The following ASTN1 variants were observed in gnomAD, a reference collection of about 807,000 sequenced individuals.
ASTN1 encodes astrotactin-1.
Under a neutral mutation model 140.7 loss-of-function variants are expected in ASTN1, and 41 were observed. The ratio of observed to expected loss-of-function variants is 0.29; its 90% CI spans 0.23 to 0.38. ASTN1 has a LOEUF of 0.38. ASTN1 is among the 10% of genes least tolerant of loss of function. The pLI, the probability that ASTN1 is intolerant of heterozygous loss-of-function variation, is 1.00. For synonymous variants in ASTN1, 640 were observed against 652.2 expected (o/e 0.98, Z 0.29); for missense variants, 1,479 against 1,678.8 (o/e 0.88, Z 2.08).
At chr1:176,991,999 A>G (rs1361758125) in intron 8 of ASTN1, among the ~76,000 whole-genome samples, 2 of 152,234 alleles carry the variant, frequency 1.3e-5, no homozygotes, top group South Asian at 2.1e-4. Flanking sequence ...GAACAATGTA[A>G]TAAGTCTTTA....
At chr1:176,979,313 A>G (rs1252863839) in intron 8 of ASTN1, among the ~76,000 whole-genome samples, 3 of 152,190 alleles carry the variant, frequency 2.0e-5, no homozygotes, top group African/African-American at 7.2e-5. Context: ...TGATAAGAGC[A>G]ATGGTGGCTG....
At chr1:176,947,886 A>G (rs1181808806) in intron 12 of ASTN1, among the ~76,000 whole-genome samples, 1 of 152,168 alleles carries the variant, frequency 6.6e-6, no homozygotes, top group Non-Finnish European at 1.5e-5. Flanking sequence ...GCTCAAATAT[A>G]TGTTTATTAA....
intron 2 of ASTN1, among the ~76,000 whole-genome samples, chr1:177,056,159 G>A (rs1677792524): frequency 6.6e-6 from 1 of 152,186 alleles, no homozygotes; most frequent in African/African-American, 2.4e-5. Context: ...TGATCCTGGA[G>A]GCTCCCATAG....
intron 2 of ASTN1, among the ~76,000 whole-genome samples, chr1:177,050,979 C>T (rs563722526): frequency 2.2e-4 from 33 of 152,250 alleles, no homozygotes; most frequent in African/African-American, 7.7e-4. Context: ...AGCATATTTG[C>T]TAATAAGTAT....
At chr1:176,963,472 T>G in intron 9 of ASTN1, among the ~76,000 whole-genome samples, 1 of 152,316 alleles carries the variant, frequency 6.6e-6, no homozygotes, top group East Asian at 1.9e-4. Flanking sequence ...ATAAAAATTC[T>G]TAATCACTTA....
intron 8 of ASTN1, among the ~76,000 whole-genome samples, chr1:176,999,720 C>T (rs1249426583): frequency 2.0e-5 from 3 of 151,916 alleles, no homozygotes; most frequent in South Asian, 2.1e-4. Flanking sequence ...GGGAGGGACC[C>T]GGTGGGAGGT....
chr1:177,016,660 C>G (rs1474652714), intron 7 of ASTN1, among the ~76,000 whole-genome samples: 1 of 152,078 alleles, frequency 6.6e-6, no homozygotes, highest in Non-Finnish European at 1.5e-5. Context: ...AGCACGGATG[C>G]TAGACTATAA....
chr1:176,931,510 G>A (rs1470911516), intron 16 of ASTN1, among the ~76,000 whole-genome samples: 1 of 151,986 alleles, frequency 6.6e-6, no homozygotes, highest in East Asian at 1.9e-4. Context: ...AAATAAAAAG[G>A]CTTCATCAGA....
chr1:176,866,353 T>TA (rs1228519784), intron 22 of ASTN1, among the ~76,000 whole-genome samples: 2 of 152,190 alleles, frequency 1.3e-5, no homozygotes, highest in African/African-American at 4.8e-5. Flanking sequence ...GCCTGCTGAC[T>TA]AAATCATCTG....
chr1:177,032,875 T>A, intron 2 of ASTN1, 26 bp from the exon 3 acceptor site: 2 of 1,558,250 alleles, frequency 1.3e-6, no homozygotes, highest in Non-Finnish European at 1.7e-6. Context: ...CACAGATGGA[T>A]GTGGGAAGAT....
At chr1:176,883,402 G>C (rs1361520672) in intron 19 of ASTN1, among the ~76,000 whole-genome samples, 1 of 152,000 alleles carries the variant, frequency 6.6e-6, no homozygotes, top group Admixed American at 6.6e-5. Flanking sequence ...CACCATGTTG[G>C]TCAGGATGGT....
chr1:177,109,881 A>G (rs978824666), intron 1 of ASTN1, among the ~76,000 whole-genome samples: 5 of 152,168 alleles, frequency 3.3e-5, no homozygotes, highest in African/African-American at 9.6e-5. Context: ...CCAATTTCCA[A>G]TCTTCTAAAA....
chr1:176,993,679 C>A (rs1674296710), intron 8 of ASTN1, among the ~76,000 whole-genome samples: 1 of 152,034 alleles, frequency 6.6e-6, no homozygotes, highest in South Asian at 2.1e-4. Context: ...TACTCATTGC[C>A]CCATACGCAT....
intron 8 of ASTN1, among the ~76,000 whole-genome samples, chr1:176,978,069 C>G (rs1673442002): frequency 6.6e-6 from 1 of 152,156 alleles, no homozygotes; most frequent in East Asian, 1.9e-4. Context: ...TCGAAGGATG[C>G]ACTGAGTCTA....
chr1:176,978,201 G>T (rs1382538059), intron 8 of ASTN1, among the ~76,000 whole-genome samples: 2 of 152,160 alleles, frequency 1.3e-5, no homozygotes, highest in African/African-American at 2.4e-5. Flanking sequence ...CATCTGAAAT[G>T]TGGGATACAC....
chr1:177,075,471 G>A (rs1182653200), intron 1 of ASTN1, among the ~76,000 whole-genome samples: 1 of 151,068 alleles, frequency 6.6e-6, no homozygotes, highest in African/African-American at 2.4e-5. Context: ...TTTGCTGGAG[G>A]TTTCCTTAGT....
chr1:176,861,123 T>C lies in ASTN1; in HGVS notation c.*3161A>G. On this transcript the variant is annotated 3_prime_UTR_variant, in exon 23 of 23. Coordinates refer to ENST00000361833, the MANE Select transcript of ASTN1 (RefSeq NM_004319.3). ...TTAATTATTTCATCTTTTATAATCA[T>C]ACAATAATTCTCTTTTAAACAACAC... 1 of 947,506 alleles carries C rather than the reference T, an allele frequency of 1.1e-6. No individual in the cohort carries two copies. The highest frequency in any genetic ancestry group is 1.3e-6 in the Non-Finnish European group (1 of 795,394). 58.7% of individuals were successfully genotyped at this position (947,506 alleles called of 1,614,324 possible). A position where few individuals can be genotyped will look rare whatever the true frequency, so the allele number is the denominator to read the frequency against.
At chr1:177,124,642 A>T (rs1342180529) in intron 1 of ASTN1, among the ~76,000 whole-genome samples, 1 of 152,220 alleles carries the variant, frequency 6.6e-6, no homozygotes, top group Non-Finnish European at 1.5e-5. Context: ...AGGAACAAAG[A>T]AAAAACACAG....
chr1:176,925,812 C>CTT (rs10658674), intron 16 of ASTN1, among the ~76,000 whole-genome samples: 43,323 of 142,368 alleles, frequency 0.3, 7,895 homozygotes, highest in Non-Finnish European at 0.41. Flanking sequence ...TAAAGGCATT[C>CTT]TTTTTTTTTT....
Sources: gnomAD v4.1 joint callset for allele counts (sites outside exome capture counted in the v4.1 genomes callset) on GRCh38, gnomAD v4.1.1 for gene constraint, MANE v1.5 for transcripts, NCBI Gene and HGNC (gene_info 2026-07-23, HGNC 2026-07-21) for gene names.